BLTP1: variants seen among roughly 807,000 people sequenced by gnomAD.
BLTP1 encodes the protein fragile site-associated protein.
the BLTP1 span, among the ~76,000 whole-genome samples, chr4:122,244,264 GT>G: frequency 6.6e-6 from 1 of 152,050 alleles, no homozygotes; most frequent in Non-Finnish European, 1.5e-5. Context: ...AATTGGAGTT[GT>G]CCCTCCATAT....
At chr4:122,302,519 G>A in the BLTP1 span, among the ~76,000 whole-genome samples, 1 of 152,126 alleles carries the variant, frequency 6.6e-6, no homozygotes, top group Non-Finnish European at 1.5e-5. Context: ...GTTTAGGGGC[G>A]CCAGGAGCTG....
the BLTP1 span, chr4:122,235,034 G>A: frequency 1.9e-6 from 3 of 1,585,456 alleles, no homozygotes; most frequent in Non-Finnish European, 2.6e-6. Flanking sequence ...GTAATAAAAT[G>A]TTTCGTCACT....
chr4:122,252,878 C>G, the BLTP1 span, among the ~76,000 whole-genome samples: 1 of 152,176 alleles, frequency 6.6e-6, no homozygotes, highest in Non-Finnish European at 1.5e-5. Flanking sequence ...TCAGGTCTAA[C>G]CCCACACAGT....
chr4:122,161,743 A>C, the BLTP1 span, among the ~76,000 whole-genome samples: 1 of 152,142 alleles, frequency 6.6e-6, no homozygotes, highest in Non-Finnish European at 1.5e-5. Flanking sequence ...AAATTTTCTT[A>C]AGGGTAAAAA....
the BLTP1 span, chr4:122,348,734 C>A: frequency 2.0e-6 from 3 of 1,498,228 alleles, no homozygotes; most frequent in East Asian, 7.0e-5. Flanking sequence ...TATTCAGATA[C>A]AAAGGAAATG....
chr4:122,347,822 C>A, the BLTP1 span: 1 of 1,434,090 alleles, frequency 7.0e-7, no homozygotes, highest in South Asian at 1.3e-5. Flanking sequence ...ACAGTGTTCT[C>A]AGGATAAAAT....
the BLTP1 span, chr4:122,344,922 C>T: frequency 1.0e-6 from 1 of 985,226 alleles, no homozygotes; most frequent in Non-Finnish European, 1.2e-6. Flanking sequence ...AAAATGTTTA[C>T]TTGATGTCAG....
At chr4:122,248,419 G>T in the BLTP1 span, among the ~76,000 whole-genome samples, 3 of 151,976 alleles carry the variant, frequency 2.0e-5, no homozygotes, top group African/African-American at 7.2e-5. Flanking sequence ...AAATGTAGAT[G>T]TCTTTGCTTA....
At chr4:122,249,145 AT>A in the BLTP1 span, 891 of 719,324 alleles carry the variant, frequency 1.2e-3, no homozygotes, top group Non-Finnish European at 1.4e-3. Flanking sequence ...AATTAATTGA[AT>A]TTTTTTTTTA....
the BLTP1 span, chr4:122,178,256 C>A: frequency 1.9e-6 from 1 of 534,488 alleles, no homozygotes; most frequent in African/African-American, 2.1e-5. Flanking sequence ...CCAGGAAACT[C>A]TTTTAAATTG....
the BLTP1 span, among the ~76,000 whole-genome samples, chr4:122,354,797 G>C: frequency 6.6e-6 from 1 of 151,666 alleles, no homozygotes; most frequent in East Asian, 1.9e-4. Context: ...CTCCTGAGTA[G>C]CTGGGATTAC....
chr4:122,352,795 T>A, the BLTP1 span: 6 of 1,366,700 alleles, frequency 4.4e-6, no homozygotes. Context: ...GACACTGTTT[T>A]CATCCCTCAC....
At chr4:122,305,872 T>C in the BLTP1 span, 13 of 1,570,496 alleles carry the variant, frequency 8.3e-6, no homozygotes, top group South Asian at 1.5e-4. Flanking sequence ...TAAATTTTAT[T>C]TTAGGTTTAT....
the BLTP1 span, chr4:122,279,793 T>C: frequency 6.2e-7 from 1 of 1,613,816 alleles, no homozygotes; most frequent in South Asian, 1.1e-5. Context: ...TGAAATGTAG[T>C]ATTGCCAAGT....
chr4:122,155,375 G>A, the BLTP1 span, among the ~76,000 whole-genome samples: 1 of 150,640 alleles, frequency 6.6e-6, no homozygotes, highest in Non-Finnish European at 1.5e-5. Context: ...CCAGGCTGGA[G>A]TGCAGTGGCG....
the BLTP1 span, chr4:122,237,665 T>C: frequency 5.3e-6 from 4 of 750,444 alleles, no homozygotes; most frequent in Admixed American, 6.3e-5. Flanking sequence ...TATGTAGATA[T>C]ATTTCTAAAA....
chr4:122,333,845 T>A, the BLTP1 span: 2 of 1,573,340 alleles, frequency 1.3e-6, no homozygotes, highest in South Asian at 1.2e-5. Context: ...GGGATTAGAC[T>A]ATTGGTAGCA....
chr4:122,288,781 G>GT, the BLTP1 span: 2 of 521,870 alleles, frequency 3.8e-6, no homozygotes, highest in Non-Finnish European at 4.9e-6. Context: ...TACTCTAGGA[G>GT]AAAATTTAAT....
chr4:122,324,220 G>C, the BLTP1 span, among the ~76,000 whole-genome samples: 1 of 151,764 alleles, frequency 6.6e-6, no homozygotes, highest in Non-Finnish European at 1.5e-5. Flanking sequence ...AGGTCAGCTG[G>C]TGGCTCCTGT....
Sources: allele counts gnomAD v4.1 joint callset (sites outside exome capture counted in the v4.1 genomes callset), GRCh38; gene constraint gnomAD v4.1.1; transcripts MANE v1.5; gene names NCBI Gene and HGNC (gene_info 2026-07-23, HGNC 2026-07-21).